The following DCAF6 variants were observed in gnomAD, a reference collection of about 807,000 sequenced individuals.
DCAF6 encodes the protein DDB1- and CUL4-associated factor 6.
Under a neutral mutation model 125.1 loss-of-function variants are expected in DCAF6, and 54 were observed. The observed-to-expected ratio is 0.43, with a 90% CI of 0.35 to 0.54. The LOEUF is 0.54. DCAF6 is among the 20% of genes least tolerant of loss of function. The pLI, the probability that DCAF6 is intolerant of heterozygous loss-of-function variation, is 0.01. For missense variants in DCAF6, 934 were observed against 1,161.7 expected, an observed-to-expected ratio of 0.80 and a Z score of 2.85; for synonymous variants, 371 against 390.4, an observed-to-expected ratio of 0.95 and a Z score of 0.58.
rs145176379 is a variant in DCAF6, at chr1:167,970,891, G to T, written c.253-3939G>T. Among the ~76,000 whole-genome samples the T allele has an allele frequency of 2.1e-3, 317 of 152,140 alleles. 2 individuals are homozygous for T. Among genetic ancestry groups the T allele is most frequent in the African/African-American group, 7.2e-3 (297 of 41,536 alleles). Reference sequence around the variant, plus strand: ...TGCAATTATATTTTAATTATATATAGCATAGAGACTCCCCATCATATACTG... The same window carrying T: ...TGCAATTATATTTTAATTATATATATCATAGAGACTCCCCATCATATACTG... On this transcript the variant is annotated intron_variant, in intron 3 of 21. Coordinates refer to ENST00000367840, the MANE Select transcript of DCAF6 (RefSeq NM_001198956.2).
At chr1:167,880,306 C>A in the DCAF6 span, 3 of 1,099,568 alleles carry the variant, frequency 2.7e-6, no homozygotes, top group African/African-American at 1.6e-5. Context: ...AGGATTTTCT[C>A]TACCCGTTGG....
Position 167,966,829 on chromosome 1 carries a change from C to T in DCAF6, c.252+108C>T, listed in dbSNP as rs371753497. 39 of 692,864 alleles carry T rather than the reference C, an allele frequency of 5.6e-5. No homozygotes were observed. The East Asian group carries it at 7.5e-4, about 13-fold the overall frequency. The allele number at this position is 692,864 out of a possible 1,614,324, so 42.9% of individuals were successfully genotyped here. On this transcript the variant is annotated intron_variant, in intron 3 of 21. Coordinates refer to ENST00000367840, the MANE Select transcript of DCAF6 (RefSeq NM_001198956.2). ...GAATGGGCATTTATATTAGAATATC[C>T]TCCCTATTTTGCTGAGGTTTATTGT...
At chr1:167,936,061 C>A (rs1671168793), upstream of DCAF6, 4 of 587,658 alleles carry the variant, frequency 6.8e-6, no homozygotes, top group South Asian at 2.0e-5. Context: ...ACTGCCAGCC[C>A]CCGGTCCGCC....
chr1:168,053,384 G>A (rs951659433), intron 17 of DCAF6, among the ~76,000 whole-genome samples: 10 of 152,168 alleles, frequency 6.6e-5, no homozygotes, highest in Non-Finnish European at 1.2e-4. Context: ...CATGATATGG[G>A]TTTTTGCTTT....
chr1:168,006,183 GCTAT>G (rs1309023043), intron 10 of DCAF6, among the ~76,000 whole-genome samples: 2 of 151,998 alleles, frequency 1.3e-5, no homozygotes, highest in Non-Finnish European at 2.9e-5. Context: ...ATTTTTTAAA[GCTAT>G]CTAATGCATT....
At chr1:167,911,130 A>G in the DCAF6 span, among the ~76,000 whole-genome samples, 1 of 152,242 alleles carries the variant, frequency 6.6e-6, no homozygotes. Context: ...AAGGACAAAT[A>G]TAAACAATGT....
At chr1:167,866,129 T>C in the DCAF6 span, among the ~76,000 whole-genome samples, 1 of 152,222 alleles carries the variant, frequency 6.6e-6, no homozygotes, top group Non-Finnish European at 1.5e-5. Context: ...GTGGTGGTAT[T>C]GTGGTGGACC....
intron 9 of DCAF6, 152 bp from the exon 10 acceptor site, chr1:168,004,381 T>G: frequency 1.2e-6 from 1 of 847,010 alleles, no homozygotes; most frequent in Non-Finnish European, 1.8e-6. Flanking sequence ...TGGCCTATTT[T>G]GTCAAATGGG....
At chr1:167,914,710 A>T in the DCAF6 span, among the ~76,000 whole-genome samples, 20 of 152,230 alleles carry the variant, frequency 1.3e-4, no homozygotes, top group Non-Finnish European at 2.8e-4. Context: ...CTAACAGCTT[A>T]AATCATGTGT....
intron 7 of DCAF6, among the ~76,000 whole-genome samples, chr1:167,995,203 G>A (rs1221548576): frequency 1.3e-5 from 2 of 152,162 alleles, no homozygotes; most frequent in African/African-American, 2.4e-5. Context: ...AGAGTTGGAA[G>A]TCCATAGACA....
chr1:168,009,045 C>G (rs999363002), intron 10 of DCAF6, among the ~76,000 whole-genome samples: 2 of 149,324 alleles, frequency 1.3e-5, no homozygotes, highest in African/African-American at 5.0e-5. Flanking sequence ...GTTGCCCAGG[C>G]TGGAGTGCAG....
At chr1:167,906,671 C>T in the DCAF6 span, among the ~76,000 whole-genome samples, 1 of 151,582 alleles carries the variant, frequency 6.6e-6, no homozygotes, top group African/African-American at 2.4e-5. Flanking sequence ...CACCTGTAGT[C>T]CCAGCTATTC....
chr1:168,032,575 A>G (rs1687241188), intron 12 of DCAF6, among the ~76,000 whole-genome samples: 1 of 152,184 alleles, frequency 6.6e-6, no homozygotes, highest in Admixed American at 6.5e-5. Flanking sequence ...ATTTTTTCAG[A>G]ATATTTCACC....
At chr1:167,919,845 T>G in the DCAF6 span, 16 of 567,900 alleles carry the variant, frequency 2.8e-5, no homozygotes, top group African/African-American at 3.1e-4. Context: ...TAGCATTATA[T>G]ATGAATCTTT....
chr1:168,059,325 T>C (rs1691292301), intron 17 of DCAF6, among the ~76,000 whole-genome samples: 2 of 152,332 alleles, frequency 1.3e-5, no homozygotes, highest in African/African-American at 4.8e-5. Context: ...TACAAAGATT[T>C]ATATAAAACA....
chr1:167,909,199 G>A, the DCAF6 span, among the ~76,000 whole-genome samples: 1 of 152,102 alleles, frequency 6.6e-6, no homozygotes, highest in African/African-American at 2.4e-5. Flanking sequence ...CCATGTTGTT[G>A]TATATCAATA....
intron 1 of DCAF6, among the ~76,000 whole-genome samples, chr1:167,941,616 G>A (rs1005884464): frequency 6.6e-6 from 1 of 151,940 alleles, no homozygotes; most frequent in Non-Finnish European, 1.5e-5. Context: ...GGTAGAGTAC[G>A]CACTAATGAG....
rs185290936 is a variant in DCAF6 at position 168,071,305 on chromosome 1, T to C, written c.2791+2842T>C. ...ACAGGTATGGCACTTATAATAAAAC[T>C]TAATATATAAAAACAGAGCCAGGTA... is the stretch of plus-strand genomic sequence containing the variant. On this transcript the variant is annotated intron_variant, in intron 21 of 21. Transcript: ENST00000367840. Among the ~76,000 whole-genome samples the C allele has an allele frequency of 6.6e-5, 10 of 152,278 alleles. No homozygotes were observed. The East Asian group carries it at 1.5e-3, about 23-fold the overall frequency.
At chr1:167,887,759 T>A in the DCAF6 span, among the ~76,000 whole-genome samples, 1 of 151,588 alleles carries the variant, frequency 6.6e-6, no homozygotes, top group African/African-American at 2.4e-5. Flanking sequence ...AACTAATTTT[T>A]TATCTGATAA....
Sources: allele counts gnomAD v4.1 joint callset (sites outside exome capture counted in the v4.1 genomes callset), GRCh38; gene constraint gnomAD v4.1.1; transcripts MANE v1.5; gene names NCBI Gene and HGNC (gene_info 2026-07-23, HGNC 2026-07-21).